CARMIL1: variants seen among roughly 807,000 people sequenced by gnomAD.
The protein encoded by CARMIL1 is capping protein regulator and myosin 1 linker 1.
CARMIL1 carries 90 observed loss-of-function variants against 177.1 expected under a neutral mutation model. The ratio of observed to expected loss-of-function variants is 0.51; its 90% CI spans 0.43 to 0.61. The LOEUF is 0.61. CARMIL1 is among the 20% of genes least tolerant of loss of function. The pLI, the probability that CARMIL1 is intolerant of heterozygous loss-of-function variation, is 0.00. For synonymous variants in CARMIL1, 577 were observed against 606.2 expected, an observed-to-expected ratio of 0.95 and a Z score of 0.71; for missense variants, 1,380 against 1,667.0, an observed-to-expected ratio of 0.83 and a Z score of 3.00.
chr6:25,281,108 TCA>T (rs746937919), intron 1 of CARMIL1, among the ~76,000 whole-genome samples: 8 of 140,046 alleles, frequency 5.7e-5, no homozygotes, highest in Non-Finnish European at 9.3e-5. Context: ...ATGAAATTAT[TCA>T]CAGACGCACG....
chr6:25,400,365 T>G (rs1793786058), intron 2 of CARMIL1, among the ~76,000 whole-genome samples: 1 of 152,200 alleles, frequency 6.6e-6, no homozygotes, highest in Non-Finnish European at 1.5e-5. Context: ...TGAATGTGCA[T>G]CTTCCTGGAT....
In CARMIL1 at chr6:25,611,203, A is replaced by G. The variant is rs151193237; in HGVS notation, c.3979+1022A>G. Among the ~76,000 whole-genome samples the G allele has an allele frequency of 3.9e-5, 6 of 152,284 alleles. No individual in the cohort carries two copies. In the East Asian group the frequency reaches 1.2e-3, roughly 29 times the overall value. ...TTTCTTATCTCCATCCTACAGATTT[A>G]TTTGTTGGGTAGAAGCTTCACTCAC... is the stretch of plus-strand genomic sequence containing the variant. On this transcript the variant is annotated intron_variant, in intron 36 of 36. Transcript: ENST00000329474.
chr6:25,441,337 A>G (rs6919261), intron 5 of CARMIL1, among the ~76,000 whole-genome samples: 18,869 of 94,646 alleles, frequency 0.2, 1,983 homozygotes, highest in Middle Eastern at 0.32. Flanking sequence ...ATATATATAT[A>G]TGTGTGTGTG....
At position 25,517,241 on chromosome 6, in the gene CARMIL1, C is replaced by T. The variant is rs1562240414; in HGVS notation, c.1806-106C>T. ...ATTATTCCTTGCTCACATAATGCAG[C>T]TGTACTGAAATATCTACACACTGCT... is the stretch of plus-strand genomic sequence containing the variant. On this transcript the variant is annotated intron_variant, in intron 21 of 36. Coordinates refer to ENST00000329474, the MANE Select transcript of CARMIL1 (RefSeq NM_017640.6). The T allele has an allele frequency of 5.4e-6, 4 of 747,286 alleles. No homozygotes were observed. The East Asian group carries it at 1.0e-4, about 19-fold the overall frequency. 46.3% of individuals were successfully genotyped at this position (747,286 alleles called of 1,614,324 possible).
Position 25,340,309 on chromosome 6 carries a change from T to C in CARMIL1, c.138+55400T>C, listed in dbSNP as rs573213596. Among the ~76,000 whole-genome samples the C allele has an allele frequency of 1.6e-4, 25 of 152,334 alleles. No individual in the cohort carries two copies. In the South Asian group the frequency reaches 4.4e-3, roughly 27 times the overall value. ...TCAATTTCCATTAAAACCTTCAGTGTTCAGTGTGTAGCTTAATGCCTTTTA... is the reference window on the plus strand; with the variant it reads ...TCAATTTCCATTAAAACCTTCAGTGCTCAGTGTGTAGCTTAATGCCTTTTA... On this transcript the variant is annotated intron_variant, in intron 2 of 36. Coordinates refer to ENST00000329474, the MANE Select transcript of CARMIL1 (RefSeq NM_017640.6).
intron 2 of CARMIL1, among the ~76,000 whole-genome samples, chr6:25,310,344 C>T (rs913992175): frequency 4.6e-5 from 7 of 152,120 alleles, no homozygotes; most frequent in African/African-American, 1.2e-4. Flanking sequence ...ATCCAAGCTG[C>T]GGCTTGAGAG....
chr6:25,358,924 T>C (rs1187453290), intron 2 of CARMIL1, among the ~76,000 whole-genome samples: 2 of 152,232 alleles, frequency 1.3e-5, no homozygotes, highest in South Asian at 2.1e-4. Flanking sequence ...TATCTTACTA[T>C]AACAATTTTA....
chr6:25,550,821 C>T (rs924677146), intron 26 of CARMIL1, 89 bp from the exon 27 acceptor site: 7 of 1,195,816 alleles, frequency 5.9e-6, no homozygotes, highest in South Asian at 4.3e-5. Context: ...CTGAGGGCTC[C>T]GTGTCATATA....
At chr6:25,288,613 A>G (rs1292707252) in intron 2 of CARMIL1, among the ~76,000 whole-genome samples, 1 of 152,104 alleles carries the variant, frequency 6.6e-6, no homozygotes, top group Non-Finnish European at 1.5e-5. Context: ...GCAAACACCC[A>G]AAAAATGATA....
intron 32 of CARMIL1, among the ~76,000 whole-genome samples, chr6:25,597,538 A>G (rs1281879765): frequency 6.6e-6 from 1 of 152,108 alleles, no homozygotes; most frequent in Non-Finnish European, 1.5e-5. Context: ...CTAAATCTCC[A>G]GTAAGGATAT....
chr6:25,436,920 A>C lies in CARMIL1; in HGVS notation c.371+1316A>C, dbSNP rs1287952664. 2.0e-5 allele frequency among the ~76,000 whole-genome samples: 3 copies of C among 152,266 alleles called. No individual in the cohort carries two copies. The East Asian group carries it at 5.8e-4, about 29-fold the overall frequency. The stretch of plus-strand genomic sequence containing the variant: ...TCAGGTATGAGGTGTCTTCAAGGCA[A>C]GCTTTCCTGGTCTCTAATCACACAC... On this transcript the variant is annotated intron_variant, in intron 5 of 36. Coordinates refer to ENST00000329474, the MANE Select transcript of CARMIL1 (RefSeq NM_017640.6).
intron 35 of CARMIL1, among the ~76,000 whole-genome samples, chr6:25,607,441 C>G (rs549577209): frequency 6.6e-6 from 1 of 152,262 alleles, no homozygotes; most frequent in East Asian, 1.9e-4. Flanking sequence ...GATGAACTCT[C>G]AATATCCTCG....
Position 25,347,466 on chromosome 6 carries a change from A to C in CARMIL1, c.138+62557A>C, listed in dbSNP as rs141913667. On this transcript the variant is annotated intron_variant, in intron 2 of 36. Transcript: ENST00000329474. ...GTATTTTCTGGTTTCCCTTAGTGTCATAGTTAACCAGAGTGAAGAAGATTC... is the reference window on the plus strand; with the variant it reads ...GTATTTTCTGGTTTCCCTTAGTGTCCTAGTTAACCAGAGTGAAGAAGATTC... Among the ~76,000 whole-genome samples the C allele has an allele frequency of 8.5e-5, 13 of 152,340 alleles. No homozygotes were observed. In the East Asian group the frequency reaches 2.5e-3, roughly 29 times the overall value.
chr6:25,507,134 A>C (rs1331557443), intron 17 of CARMIL1, among the ~76,000 whole-genome samples: 1 of 152,214 alleles, frequency 6.6e-6, no homozygotes, highest in Non-Finnish European at 1.5e-5. Flanking sequence ...GTAATTTAAA[A>C]ACCAGTTTTA....
intron 2 of CARMIL1, among the ~76,000 whole-genome samples, chr6:25,394,665 T>C (rs974850741): frequency 2.0e-5 from 3 of 152,182 alleles, no homozygotes; most frequent in African/African-American, 7.2e-5. Flanking sequence ...ACAGAGCCAC[T>C]ATGAGTTGTT....
chr6:25,360,577 C>A (rs904494216), intron 2 of CARMIL1, among the ~76,000 whole-genome samples: 2 of 151,968 alleles, frequency 1.3e-5, no homozygotes, highest in African/African-American at 4.8e-5. Context: ...TTATTTTTTT[C>A]TCTGTCATGT....
chr6:25,397,131 G>T (rs1793476352), intron 2 of CARMIL1, among the ~76,000 whole-genome samples: 1 of 152,106 alleles, frequency 6.6e-6, no homozygotes, highest in Non-Finnish European at 1.5e-5. Context: ...CTCCAGAAAA[G>T]GTTTGCAGGC....
At chr6:25,436,316 G>T (rs1384147879) in intron 5 of CARMIL1, among the ~76,000 whole-genome samples, 1 of 152,172 alleles carries the variant, frequency 6.6e-6, no homozygotes, top group Non-Finnish European at 1.5e-5. Flanking sequence ...CCTGATAGAA[G>T]AACAGGATTC....
At chr6:25,354,826 T>A (rs1788422726) in intron 2 of CARMIL1, among the ~76,000 whole-genome samples, 1 of 152,126 alleles carries the variant, frequency 6.6e-6, no homozygotes, top group African/African-American at 2.4e-5. Context: ...TCTAATTTTG[T>A]TGCAGATCTA....
Sources: gnomAD v4.1 joint callset for allele counts (sites outside exome capture counted in the v4.1 genomes callset) on GRCh38, gnomAD v4.1.1 for gene constraint, MANE v1.5 for transcripts, NCBI Gene and HGNC (gene_info 2026-07-23, HGNC 2026-07-21) for gene names.